Variants in PALM2AKAP2 observed in about 807,000 individuals in gnomAD.
PALM2AKAP2 encodes PALM2-AKAP2 fusion protein.
PALM2AKAP2 carries 37 observed loss-of-function variants against 71.5 expected under a neutral mutation model. The observed-to-expected ratio is 0.52, with a 90% CI of 0.40 to 0.68. The LOEUF is 0.68. PALM2AKAP2 is among the 30% of genes least tolerant of loss of function. The pLI is 0.00. For missense variants in PALM2AKAP2, 1,224 were observed against 1,191.8 expected (o/e 1.03, Z -0.40); for synonymous variants, 468 against 478.8 (o/e 0.98, Z 0.29).
intron 1 of PALM2AKAP2, among the ~76,000 whole-genome samples, chr9:109,745,714 T>A (rs1587891943): frequency 6.6e-6 from 1 of 152,152 alleles, no homozygotes; most frequent in African/African-American, 2.4e-5. Flanking sequence ...CTGGGAAGTG[T>A]TTCAGTGGAG....
intron 1 of PALM2AKAP2, among the ~76,000 whole-genome samples, chr9:110,076,354 G>T (rs1473878186): frequency 2.6e-5 from 4 of 151,656 alleles, no homozygotes; most frequent in Non-Finnish European, 5.9e-5. Flanking sequence ...TAAGGCTGCA[G>T]TGAACATCCT....
At chr9:109,808,791 G>GT (rs1372454073) in intron 1 of PALM2AKAP2, among the ~76,000 whole-genome samples, 2 of 152,202 alleles carry the variant, frequency 1.3e-5, no homozygotes, top group African/African-American at 2.4e-5. Context: ...AGGAAAAGGT[G>GT]TTTTTTTGGG....
chr9:110,153,280 C>A (rs1836368117), intron 2 of PALM2AKAP2, among the ~76,000 whole-genome samples: 1 of 152,218 alleles, frequency 6.6e-6, no homozygotes. Context: ...TGGGTTTGGG[C>A]TCCAGACTGT....
intron 3 of PALM2AKAP2, 146 bp downstream of exon 10, chr9:110,162,278 A>T (rs2148989): frequency 0.51 from 646,998 of 1,256,848 alleles, 173,660 homozygotes; most frequent in East Asian, 0.89. Context: ...CTGTTCTGAA[A>T]TATGGGACTG....
intron 1 of PALM2AKAP2, among the ~76,000 whole-genome samples, chr9:109,690,937 T>A (rs1041653377): frequency 1.3e-5 from 2 of 152,128 alleles, no homozygotes; most frequent in African/African-American, 4.8e-5. Context: ...GCATGAGGAA[T>A]GGATGTATAT....
chr9:109,675,244 A>G (rs1827632454), intron 1 of PALM2AKAP2, among the ~76,000 whole-genome samples: 1 of 152,130 alleles, frequency 6.6e-6, no homozygotes, highest in Admixed American at 6.6e-5. Context: ...TATCATGTTC[A>G]AATTTGGTGG....
At chr9:109,780,319 C>T (rs1244658135), upstream of PALM2AKAP2, 21 of 1,383,196 alleles carry the variant, frequency 1.5e-5, no homozygotes, top group South Asian at 2.6e-4. Context: ...CCCGGGCGAG[C>T]CCGCCGTGCG....
chr9:109,770,348 T>C (rs1397887261), intron 1 of PALM2AKAP2, among the ~76,000 whole-genome samples: 2 of 152,088 alleles, frequency 1.3e-5, no homozygotes, highest in Non-Finnish European at 2.9e-5. Context: ...CCAGAAACTA[T>C]ACATAAAATG....
At chr9:109,972,738 C>A (rs553163695) in intron 6 of PALM2AKAP2, among the ~76,000 whole-genome samples, 1 of 152,220 alleles carries the variant, frequency 6.6e-6, no homozygotes, top group African/African-American at 2.4e-5. Flanking sequence ...AATTCTGGTG[C>A]AGTGTTACGA....
At chr9:110,024,458 A>G (rs991837448) in intron 7 of PALM2AKAP2, among the ~76,000 whole-genome samples, 1 of 149,012 alleles carries the variant, frequency 6.7e-6, no homozygotes, top group African/African-American at 2.5e-5. Flanking sequence ...TATCCCTTTC[A>G]CTCTTTTTAA....
chr9:109,654,420 G>C (rs1191245350), intron 1 of PALM2AKAP2, among the ~76,000 whole-genome samples: 1 of 152,176 alleles, frequency 6.6e-6, no homozygotes, highest in Non-Finnish European at 1.5e-5. Context: ...ATTGTAATGG[G>C]AGCTAAGCTT....
intron 1 of PALM2AKAP2, among the ~76,000 whole-genome samples, chr9:109,829,503 T>C (rs138538821): frequency 1.6e-3 from 250 of 152,288 alleles, no homozygotes; most frequent in Non-Finnish European, 3.3e-3. Context: ...CTTAGGACTA[T>C]CCTGCTCATT....
intron 1 of PALM2AKAP2, among the ~76,000 whole-genome samples, chr9:110,086,604 A>G (rs1834580196): frequency 6.6e-6 from 1 of 152,214 alleles, no homozygotes; most frequent in Non-Finnish European, 1.5e-5. Flanking sequence ...GTGTGTGTAC[A>G]TGCACATGCA....
At chr9:109,712,630 T>C (rs1828259217) in intron 1 of PALM2AKAP2, among the ~76,000 whole-genome samples, 3 of 152,356 alleles carry the variant, frequency 2.0e-5, no homozygotes, top group Admixed American at 2.0e-4. Flanking sequence ...CCTGCTGATG[T>C]TCAAACAAGC....
chr9:109,867,678 C>A, intron 2 of PALM2AKAP2, 107 bp downstream of exon 2: 2 of 1,298,852 alleles, frequency 1.5e-6, no homozygotes, highest in Non-Finnish European at 2.1e-6. Flanking sequence ...GCCAACCAAA[C>A]CAGCCTTTTT....
At position 109,751,313 on chromosome 9, in the gene PALM2AKAP2, A is replaced by G. The variant is rs139891178; in HGVS notation, c.6-29175A>G. Among the ~76,000 whole-genome samples the G allele has an allele frequency of 3.9e-4, 60 of 152,326 alleles. No homozygotes were observed. The East Asian group carries it at 0.011, about 28-fold the overall frequency. On this transcript the variant is annotated intron_variant, in intron 1 of 6. Coordinates refer to the PALM2AKAP2 transcript ENST00000374531. Reference sequence around the variant, plus strand: ...TTCTTGAAACATTTTAAGGATGTTTACATTGAAACCAGATGCCTGCTCCAC... The same window carrying G: ...TTCTTGAAACATTTTAAGGATGTTTGCATTGAAACCAGATGCCTGCTCCAC...
At chr9:110,005,513 T>C (rs928192554) in intron 6 of PALM2AKAP2, among the ~76,000 whole-genome samples, 1 of 152,224 alleles carries the variant, frequency 6.6e-6, no homozygotes, top group Non-Finnish European at 1.5e-5. Flanking sequence ...TTCTCAGATC[T>C]CCAGCTGTGT....
chr9:109,735,478 G>A (rs1828616390), intron 1 of PALM2AKAP2, among the ~76,000 whole-genome samples: 1 of 151,990 alleles, frequency 6.6e-6, no homozygotes, highest in Non-Finnish European at 1.5e-5. Flanking sequence ...TGTCCTGCAG[G>A]GAGCTATGAG....
chr9:109,932,057 G>T, intron 6 of PALM2AKAP2, 29 bp downstream of exon 6: 1 of 1,598,776 alleles, frequency 6.3e-7, no homozygotes, highest in Non-Finnish European at 8.5e-7. Context: ...TGGACGCTAG[G>T]ATGGTCCAAG....
Sources: gnomAD v4.1 joint callset for allele counts (sites outside exome capture counted in the v4.1 genomes callset) on GRCh38, gnomAD v4.1.1 for gene constraint, MANE v1.5 for transcripts, NCBI Gene and HGNC (gene_info 2026-07-23, HGNC 2026-07-21) for gene names.